NEXN: variants seen among roughly 807,000 people sequenced by gnomAD.
NEXN encodes the protein nexilin F-actin binding protein, also known as nexilin.
Under a neutral mutation model 92.6 loss-of-function variants are expected in NEXN, and 65 were observed. The ratio of observed to expected loss-of-function variants is 0.70; its 90% CI spans 0.57 to 0.86. The LOEUF (loss-of-function observed/expected upper bound fraction) is 0.86. Among genes scored for constraint, NEXN ranks in the 40% least tolerant of loss-of-function variants. The pLI is 0.00. For missense variants in NEXN, 778 were observed against 771.1 expected (o/e 1.01, Z -0.11); for synonymous variants, 254 against 242.5 (o/e 1.05, Z -0.44).
chr1:77,908,159 C>G (rs1007657474), intron 1 of NEXN, among the ~76,000 whole-genome samples: 7 of 152,112 alleles, frequency 4.6e-5, no homozygotes, highest in Non-Finnish European at 7.4e-5. Context: ...CTCACTGCAA[C>G]CTTGAACTCC....
chr1:77,940,270 C>T (rs369012724), intron 11 of NEXN, among the ~76,000 whole-genome samples: 89 of 152,074 alleles, frequency 5.9e-4, no homozygotes, highest in Non-Finnish European at 1.1e-3. Context: ...CACCTTATGC[C>T]CCATTGTATC....
intron 5 of NEXN, among the ~76,000 whole-genome samples, chr1:77,919,446 TAAAGA>T (rs1038316523): frequency 3.3e-5 from 5 of 152,320 alleles, no homozygotes; most frequent in Admixed American, 3.3e-4. Context: ...ACTTGCATAC[TAAAGA>T]AATGTATTTA....
chr1:77,941,387 T>C (rs1651293700), intron 11 of NEXN, among the ~76,000 whole-genome samples: 1 of 152,208 alleles, frequency 6.6e-6, no homozygotes, highest in African/African-American at 2.4e-5. Flanking sequence ...GTTGAGACTC[T>C]GCTCTTAAAT....
chr1:77,897,735 T>C (rs1161643699), intron 1 of NEXN, among the ~76,000 whole-genome samples: 1 of 152,240 alleles, frequency 6.6e-6, no homozygotes, highest in African/African-American at 2.4e-5. Context: ...TGTTTGCAGA[T>C]GACATGATTG....
chr1:77,936,175 A>C (rs1650748858), intron 11 of NEXN, 131 bp downstream of exon 11: 3 of 674,956 alleles, frequency 4.4e-6, no homozygotes, highest in Non-Finnish European at 7.7e-6. Flanking sequence ...TCTGGGAAGT[A>C]AATAGCAAAA....
chr1:77,925,644 A>C (rs1649786915), intron 6 of NEXN, among the ~76,000 whole-genome samples: 1 of 152,174 alleles, frequency 6.6e-6, no homozygotes, highest in Admixed American at 6.5e-5. Flanking sequence ...TACAGAGTGC[A>C]GTATCTGTTA....
intron 9 of NEXN, 44 bp from the exon 10 acceptor site, chr1:77,933,238 A>G (rs1650451893): frequency 8.9e-7 from 1 of 1,118,476 alleles, no homozygotes; most frequent in Non-Finnish European, 1.3e-6. Flanking sequence ...CCTTTTTAGT[A>G]TGTGTAATTC....
intron 1 of NEXN, among the ~76,000 whole-genome samples, chr1:77,912,647 TA>T (rs1378251768): frequency 6.6e-6 from 1 of 152,204 alleles, no homozygotes; most frequent in East Asian, 1.9e-4. Flanking sequence ...TAGATCCACG[TA>T]AATATAATCA....
At position 77,918,132 on chromosome 1, in the gene NEXN, G is replaced by A. The variant is rs1649124916; in HGVS notation, c.306G>A (p.Val102=). The change falls in exon 5 of 13, where the codon GTG becomes GTA. Residue 102 remains valine (V), a synonymous_variant. Transcript: ENST00000334785. ...TTTTTCATATATTTTTAGGAACTGT[G>A]AAGGGTAGATTTGCTGAAATGGAGA... ...KAYVPKLTGT[V]KGRFAEMEKQ... 1 of 1,613,976 alleles carries A rather than the reference G, an allele frequency of 6.2e-7. No individual in the cohort carries two copies.
intron 1 of NEXN, among the ~76,000 whole-genome samples, chr1:77,903,547 T>C (rs1647881337): frequency 6.6e-6 from 1 of 152,172 alleles, no homozygotes; most frequent in Admixed American, 6.5e-5. Context: ...AGTTTATTAA[T>C]GAAAATTATA....
intron 1 of NEXN, among the ~76,000 whole-genome samples, chr1:77,890,944 G>T (rs1647093153): frequency 6.6e-6 from 1 of 152,142 alleles, no homozygotes. Context: ...GAGAGAAAAT[G>T]ATTTATAACA....
At position 77,940,552 on chromosome 1, in the gene NEXN, T is replaced by A. The variant is rs180749431; in HGVS notation, c.1474-1471T>A. On this transcript the variant is annotated intron_variant, in intron 11 of 12. Transcript: ENST00000334785. ...TGCAGGTTTGAGGCAGCTAAATGAA[T>A]AGTTATGAATTTGCATAAACAGGCT... Among the ~76,000 whole-genome samples the A allele has an allele frequency of 2.8e-3, 422 of 152,328 alleles. 6 individuals carry two copies. Among genetic ancestry groups the A allele is most frequent in the African/African-American group, 9.6e-3 (398 of 41,580 alleles).
At chr1:77,941,141 G>C (rs1014805248) in intron 11 of NEXN, among the ~76,000 whole-genome samples, 5 of 152,046 alleles carry the variant, frequency 3.3e-5, no homozygotes, top group African/African-American at 1.2e-4. Flanking sequence ...CCCTTTAGTT[G>C]GATGTGGCAA....
At chr1:77,912,313 G>A (rs1648652281) in intron 1 of NEXN, among the ~76,000 whole-genome samples, 4 of 152,034 alleles carry the variant, frequency 2.6e-5, no homozygotes, top group Admixed American at 2.6e-4. Flanking sequence ...GTATATAATG[G>A]GGGGGACATA....
Position 77,935,928 on chromosome 1 carries a change from G to GA in NEXN, c.1363dup (p.Ile455AsnfsTer6), listed in dbSNP as rs1336369233. On this transcript the variant is annotated frameshift_variant, in exon 11 of 13. Coordinates refer to ENST00000334785, the MANE Select transcript of NEXN (RefSeq NM_144573.4). LOFTEE classifies it high-confidence loss of function. ...AGCTAAAAACCTAAAAAGCAAGTTT[G>GA]AAAAAATTGGACAGTTGTCTGAAAA... 6.2e-7 allele frequency: 1 copy of GA among 1,613,750 alleles called. No homozygotes were observed. Among genetic ancestry groups the GA allele is most frequent in the Non-Finnish European group, 8.5e-7 (1 of 1,179,900 alleles).
intron 1 of NEXN, among the ~76,000 whole-genome samples, chr1:77,900,776 T>C (rs1238253668): frequency 6.6e-6 from 1 of 152,238 alleles, no homozygotes; most frequent in African/African-American, 2.4e-5. Flanking sequence ...TATCTTTTGA[T>C]CACTGGTTTC....
intron 1 of NEXN, among the ~76,000 whole-genome samples, chr1:77,908,983 G>A (rs1648358396): frequency 6.6e-6 from 1 of 152,152 alleles, no homozygotes; most frequent in Non-Finnish European, 1.5e-5. Context: ...GAAATATGAA[G>A]TAATATGTAA....
chr1:77,910,490 C>T (rs1174413325), intron 1 of NEXN, among the ~76,000 whole-genome samples: 4 of 152,074 alleles, frequency 2.6e-5, no homozygotes, highest in Non-Finnish European at 4.4e-5. Flanking sequence ...CGGTGGCTAA[C>T]GCCTGTAATC....
chr1:77,900,004 A>T (rs1408541138), intron 1 of NEXN, among the ~76,000 whole-genome samples: 1 of 152,068 alleles, frequency 6.6e-6, no homozygotes, highest in African/African-American at 2.4e-5. Flanking sequence ...TCTTTCTAGG[A>T]TACATCTTTC....
Sources: gnomAD v4.1 joint callset for allele counts (sites outside exome capture counted in the v4.1 genomes callset) on GRCh38, gnomAD v4.1.1 for gene constraint, MANE v1.5 for transcripts, NCBI Gene and HGNC (gene_info 2026-07-23, HGNC 2026-07-21) for gene names.